PAK1: variants seen among roughly 807,000 people sequenced by gnomAD.
The protein encoded by PAK1 is serine/threonine-protein kinase PAK 1.
A neutral mutation model predicts 67.4 loss-of-function variants in PAK1; 29 were observed. That is an observed-to-expected ratio of 0.43 (90% CI 0.32 to 0.59). The LOEUF (loss-of-function observed/expected upper bound fraction) is 0.59. Among genes scored for constraint, PAK1 ranks in the 20% least tolerant of loss-of-function variants. The probability of loss-of-function intolerance (pLI) is 0.07; values close to 1 mark genes in which losing one functional copy is unlikely to be tolerated. For missense variants in PAK1, 337 were observed against 670.7 expected, an observed-to-expected ratio of 0.50 and a Z score of 5.50; for synonymous variants, 223 against 237.4, an observed-to-expected ratio of 0.94 and a Z score of 0.56.
intron 14 of PAK1, among the ~76,000 whole-genome samples, chr11:77,323,594 C>T (rs969906465): frequency 1.3e-5 from 2 of 152,106 alleles, no homozygotes; most frequent in East Asian, 3.9e-4. Context: ...TAGGTATATT[C>T]CCAAGAGAAA....
At chr11:77,380,700 T>G (rs1184291705) in intron 2 of PAK1, among the ~76,000 whole-genome samples, 1 of 152,180 alleles carries the variant, frequency 6.6e-6, no homozygotes, top group Non-Finnish European at 1.5e-5. Context: ...CTATTATAAG[T>G]GTTTATCTTC....
At chr11:77,397,827 C>T (rs1371289119) in intron 1 of PAK1, among the ~76,000 whole-genome samples, 1 of 152,186 alleles carries the variant, frequency 6.6e-6, no homozygotes, top group Non-Finnish European at 1.5e-5. Flanking sequence ...CCTAATGTTA[C>T]AGGTAGGAAT....
the PAK1 span, among the ~76,000 whole-genome samples, chr11:77,490,324 G>T: frequency 6.8e-6 from 1 of 147,882 alleles, no homozygotes; most frequent in South Asian, 2.2e-4. Flanking sequence ...CGTCCGGGAG[G>T]GAGGTGGGGG....
At chr11:77,482,989 G>A in the PAK1 span, among the ~76,000 whole-genome samples, 1 of 152,084 alleles carries the variant, frequency 6.6e-6, no homozygotes, top group African/African-American at 2.4e-5. Context: ...CTGAGGTCAG[G>A]AGTTCAAGAC....
chr11:77,473,396 C>G (rs967014648), intron 1 of PAK1, 156 bp downstream of exon 1: 138 of 152,240 alleles, frequency 9.1e-4, no homozygotes, highest in African/African-American at 3.3e-3. Context: ...GGGCGCCGCC[C>G]GCCTCACCTT....
chr11:77,368,738 C>T (rs1255735449), intron 5 of PAK1, among the ~76,000 whole-genome samples: 1 of 152,132 alleles, frequency 6.6e-6, no homozygotes, highest in Non-Finnish European at 1.5e-5. Context: ...CTCACTGCAA[C>T]GTCTGCCTCC....
the PAK1 span, among the ~76,000 whole-genome samples, chr11:77,501,208 G>C: frequency 6.6e-6 from 1 of 152,006 alleles, no homozygotes; most frequent in African/African-American, 2.4e-5. Context: ...GAGCAGTTTT[G>C]AAGTTAGTAG....
chr11:77,434,990 C>G (rs2138367502), intron 1 of PAK1, among the ~76,000 whole-genome samples: 1 of 152,002 alleles, frequency 6.6e-6, no homozygotes, highest in African/African-American at 2.4e-5. Flanking sequence ...TCCCAAACTC[C>G]TAGGCTCAAA....
the PAK1 span, among the ~76,000 whole-genome samples, chr11:77,487,602 C>A: frequency 6.6e-6 from 1 of 152,034 alleles, no homozygotes; most frequent in African/African-American, 2.4e-5. Flanking sequence ...GCATTCACCA[C>A]AAGTTGACTG....
the PAK1 span, among the ~76,000 whole-genome samples, chr11:77,485,750 C>G: frequency 6.6e-6 from 1 of 152,204 alleles, no homozygotes; most frequent in African/African-American, 2.4e-5. Context: ...GCTGGGATTA[C>G]AGGCGTGAGC....
intron 1 of PAK1, among the ~76,000 whole-genome samples, chr11:77,420,890 C>T (rs1955224292): frequency 6.6e-6 from 1 of 152,084 alleles, no homozygotes. Context: ...ATAGTATAGC[C>T]CCTCATAACA....
chr11:77,324,172 CT>C (rs11324143), intron 14 of PAK1, among the ~76,000 whole-genome samples: 28,385 of 127,044 alleles, frequency 0.22, 2,026 homozygotes, highest in South Asian at 0.38. Context: ...AAAGCAATTC[CT>C]TTTTTTTTTT....
chr11:77,478,782 A>T (rs1398378173), upstream of PAK1, among the ~76,000 whole-genome samples: 1 of 151,388 alleles, frequency 6.6e-6, no homozygotes, highest in East Asian at 1.9e-4. Flanking sequence ...CAACATTTAA[A>T]TGTTAAGATC....
chr11:77,377,845 C>T (rs1949300169), intron 4 of PAK1, among the ~76,000 whole-genome samples: 1 of 152,180 alleles, frequency 6.6e-6, no homozygotes, highest in African/African-American at 2.4e-5. Context: ...GAAAACTTTC[C>T]CACTCAGTAG....
At chr11:77,330,258 T>G (rs1381628847) in intron 14 of PAK1, among the ~76,000 whole-genome samples, 1 of 152,092 alleles carries the variant, frequency 6.6e-6, no homozygotes, top group Non-Finnish European at 1.5e-5. Context: ...TACCAATGAC[T>G]TTCTTCACAG....
chr11:77,473,665 C>A lies in PAK1; in HGVS notation c.-135G>T, dbSNP rs1957983273. ...CGAGCTACCGCTTCACTTTCTCCCT[C>A]CTGCCGCCGCCGCCGCGCTGCCCGT... On this transcript the variant is annotated 5_prime_UTR_variant, in exon 1 of 15. Transcript: ENST00000356341. 6.6e-6 allele frequency: 1 copy of A among 152,632 alleles called. No individual in the cohort carries two copies. The highest frequency in any genetic ancestry group is 1.5e-5 in the Non-Finnish European group (1 of 68,566). The allele number at this position is 152,632 out of a possible 1,614,324, so 9.5% of individuals were successfully genotyped here.
intron 1 of PAK1, among the ~76,000 whole-genome samples, chr11:77,427,334 T>C (rs1043269899): frequency 2.6e-5 from 4 of 152,214 alleles, no homozygotes; most frequent in Non-Finnish European, 5.9e-5. Flanking sequence ...TAAATACCTA[T>C]ATTCCTGTAG....
chr11:77,392,458 G>A lies in PAK1; in HGVS notation c.63C>T (p.Ser21=). ...KPPAPPMRNT[S]TMIGAGSKDA... ...CTTTGCTGCCGGCTCCAATCATAGT[G>A]CTGGTATTTCTCATCGGAGGGGCTG... Residue 21 remains serine, a synonymous_variant, in exon 2 of 15, where the codon AGC becomes AGT. Coordinates refer to ENST00000356341, the MANE Select transcript of PAK1 (RefSeq NM_002576.5). 1.2e-6 allele frequency: 2 copies of A among 1,614,032 alleles called. No homozygotes were observed. The highest frequency in any genetic ancestry group is 1.7e-6 in the Non-Finnish European group (2 of 1,179,954).
In PAK1 at chr11:77,393,024, A is replaced by C. The variant is rs1035685272; in HGVS notation, c.-21-483T>G. The stretch of plus-strand genomic sequence containing the variant: ...ACTTTCCCTCTTGGGAATGGACTGT[A>C]TCAAGGGTCAGGAAAGCTGCTGTTT... On this transcript the variant is annotated intron_variant, in intron 1 of 14. Transcript: ENST00000356341. 4.6e-5 allele frequency among the ~76,000 whole-genome samples: 7 copies of C among 152,162 alleles called. No individual in the cohort carries two copies. In the East Asian group the frequency reaches 1.3e-3, roughly 29 times the overall value.
Sources: gnomAD v4.1 joint callset for allele counts (sites outside exome capture counted in the v4.1 genomes callset) on GRCh38, gnomAD v4.1.1 for gene constraint, MANE v1.5 for transcripts, NCBI Gene and HGNC (gene_info 2026-07-23, HGNC 2026-07-21) for gene names.